LNPEP: variants seen among roughly 807,000 people sequenced by gnomAD.
LNPEP encodes leucyl-cystinyl aminopeptidase.
A neutral mutation model predicts 120.6 loss-of-function variants in LNPEP; 64 were observed. That is an observed-to-expected ratio of 0.53 (90% CI 0.43 to 0.65). The LOEUF (loss-of-function observed/expected upper bound fraction) is 0.65, where lower values mean the gene tolerates loss of function less well. Ranked by LOEUF, LNPEP falls within the 30% of genes least tolerant of loss-of-function variation. The pLI is 0.00. For synonymous variants in LNPEP, 435 were observed against 425.4 expected (o/e 1.02, Z -0.28); for missense variants, 1,057 against 1,200.0 (o/e 0.88, Z 1.76).
Position 97,017,798 on chromosome 5 carries a change from C to G in LNPEP, c.2376+2703C>G, listed in dbSNP as rs147914816. On this transcript the variant is annotated intron_variant, in intron 13 of 17. Transcript: ENST00000231368. The stretch of plus-strand genomic sequence containing the variant: ...TCTTAAAATAACAGAAATTTATTCT[C>G]TCATAGTTCTGGAAGCCAGAAGGCC... 1.3e-3 allele frequency among the ~76,000 whole-genome samples: 200 copies of G among 152,260 alleles called. 1 individual carries two copies. The highest frequency in any genetic ancestry group is 4.7e-3 in the African/African-American group (194 of 41,552).
rs200935086 is a variant in LNPEP at position 97,014,952 on chromosome 5, C to T, written c.2233C>T (p.Pro745Ser). 2 of 1,565,788 alleles carry T rather than the reference C, an allele frequency of 1.3e-6. No individual in the cohort carries two copies. The highest frequency in any genetic ancestry group is 2.4e-5 in the East Asian group (1 of 42,146). The change falls in exon 13 of 18, where the codon CCT becomes TCT. Residue 745 changes from proline to serine, a missense_variant. By Grantham distance (74) the Pro-to-Ser change is moderately conservative. Coordinates refer to ENST00000231368, the MANE Select transcript of LNPEP (RefSeq NM_005575.3). The part of the protein sequence containing the change: ...IFELAGLGKV[P>S]LKRAFDLINY... The stretch of plus-strand genomic sequence containing the variant: ...TTTATCCTTTAGCCTAGGCAAGGTA[C>T]CTCTCAAGAGGGCCTTTGATTTGAT...
chr5:96,951,275 G>C (rs1051369929), intron 1 of LNPEP, among the ~76,000 whole-genome samples: 23 of 151,166 alleles, frequency 1.5e-4, no homozygotes, highest in Non-Finnish European at 5.9e-5. Flanking sequence ...CGGGGGGCGC[G>C]GGGGACAGAG....
intron 1 of LNPEP, among the ~76,000 whole-genome samples, chr5:96,941,633 C>T (rs1466032311): frequency 6.6e-6 from 1 of 151,960 alleles, no homozygotes; most frequent in African/African-American, 2.4e-5. Context: ...TACATATGGC[C>T]GTTATAGAGA....
chr5:96,959,163 G>C (rs533752570), intron 1 of LNPEP, among the ~76,000 whole-genome samples: 1 of 152,054 alleles, frequency 6.6e-6, no homozygotes, highest in Non-Finnish European at 1.5e-5. Flanking sequence ...GTCTGTAACC[G>C]TGTCCCTAGG....
At chr5:96,946,666 G>T (rs1393068891) in intron 1 of LNPEP, among the ~76,000 whole-genome samples, 1 of 152,172 alleles carries the variant, frequency 6.6e-6, no homozygotes, top group Non-Finnish European at 1.5e-5. Context: ...TTTTAAGTTG[G>T]TTAATGATAA....
intron 1 of LNPEP, among the ~76,000 whole-genome samples, chr5:96,952,242 A>G (rs186153068): frequency 7.6e-4 from 116 of 152,356 alleles, no homozygotes; most frequent in Middle Eastern, 3.4e-3. Flanking sequence ...ATAGAATACA[A>G]CTGGATTTTC....
At chr5:96,997,709 CTTGGATACTCAGAG>C (rs1408338812) in intron 7 of LNPEP, among the ~76,000 whole-genome samples, 1 of 152,048 alleles carries the variant, frequency 6.6e-6, no homozygotes, top group African/African-American at 2.4e-5. Context: ...GAATATTCAT[CTTGGATACTCAGAG>C]TTGGCATTTG....
intron 9 of LNPEP, among the ~76,000 whole-genome samples, chr5:97,003,812 T>C (rs1252737404): frequency 6.6e-6 from 1 of 151,984 alleles, no homozygotes; most frequent in African/African-American, 2.4e-5. Flanking sequence ...CCTTAACTTC[T>C]ATTCCTATTT....
intron 1 of LNPEP, among the ~76,000 whole-genome samples, chr5:96,972,725 G>C (rs1486335810): frequency 6.6e-6 from 1 of 152,078 alleles, no homozygotes; most frequent in Admixed American, 6.6e-5. Context: ...TAGTTTAATA[G>C]TTGTTTATGA....
rs371487752 is a variant in LNPEP at position 96,985,222 on chromosome 5, C to T, written c.999+4C>T. The T allele has an allele frequency of 3.6e-5, 58 of 1,598,830 alleles. No homozygotes were observed. The highest frequency in any genetic ancestry group is 4.9e-5 in the Non-Finnish European group (58 of 1,173,436). ...CGCTTTATCAAATATGCCTAAGGTA[C>T]TGTTCTGTTCCTTGAATGTAAAAAT... is the stretch of plus-strand genomic sequence containing the variant. On this transcript the variant is annotated splice_donor_region_variant and intron_variant, in intron 3 of 17. Transcript: ENST00000231368.
Position 97,028,440 on chromosome 5 carries a change from C to T in LNPEP, c.2985C>T (p.Phe995=). The part of the protein sequence containing the change: ...AFFENQSEAT[F]RLRCVQEALE... ...TTGAAAATCAGTCAGAGGCAACCTT[C>T]CGGCTTCGTTGTGTCCAGGAGGCTT... is the stretch of plus-strand genomic sequence containing the variant. The change falls in exon 18 of 18, where the codon TTC becomes TTT. Residue 995 remains phenylalanine (F), a synonymous_variant. Coordinates refer to ENST00000231368, the MANE Select transcript of LNPEP (RefSeq NM_005575.3). 6.2e-7 allele frequency: 1 copy of T among 1,613,892 alleles called. No individual in the cohort carries two copies. Among genetic ancestry groups the T allele is most frequent in the Non-Finnish European group, 8.5e-7 (1 of 1,179,804 alleles).
intron 1 of LNPEP, among the ~76,000 whole-genome samples, chr5:96,959,533 T>A (rs1581985246): frequency 6.6e-6 from 1 of 152,206 alleles, no homozygotes; most frequent in Admixed American, 6.5e-5. Context: ...AATGTAATTA[T>A]GTTTATCTAA....
At chr5:96,975,371 G>A (rs1789966478) in intron 1 of LNPEP, among the ~76,000 whole-genome samples, 1 of 152,188 alleles carries the variant, frequency 6.6e-6, no homozygotes, top group Non-Finnish European at 1.5e-5. Context: ...AAGTTGGAAT[G>A]TAAAGGGAAT....
Position 97,030,003 on chromosome 5 carries a change from A to G in LNPEP, c.*1470A>G, listed in dbSNP as rs1416018608. On this transcript the variant is annotated 3_prime_UTR_variant, in exon 18 of 18. Transcript: ENST00000231368. Reference sequence around the variant, plus strand: ...ATGTACATAAAAAGGGTATTTACCCATTTGTGAGCACTTAAAACACTCCAC... The same window carrying G: ...ATGTACATAAAAAGGGTATTTACCCGTTTGTGAGCACTTAAAACACTCCAC... The G allele has an allele frequency of 6.6e-6, 1 of 152,164 alleles. No individual in the cohort carries two copies. Among genetic ancestry groups the G allele is most frequent in the African/African-American group, 2.4e-5 (1 of 41,466 alleles). 9.4% of individuals were successfully genotyped at this position (152,164 alleles called of 1,614,324 possible). A position where few individuals can be genotyped will look rare whatever the true frequency, so the allele number is the denominator to read the frequency against.
chr5:96,954,573 TTCCTCATTC>T (rs1393760705), intron 1 of LNPEP, among the ~76,000 whole-genome samples: 3 of 148,980 alleles, frequency 2.0e-5, no homozygotes, highest in Non-Finnish European at 4.4e-5. Context: ...GTGTTGCATA[TTCCTCATTC>T]TTCTCATTCT....
rs2112683310 is a variant in LNPEP, at chr5:97,032,996, G to C, written c.*4463G>C. 1 of 152,304 alleles carries C rather than the reference G, an allele frequency of 6.6e-6. No homozygotes were observed. Among genetic ancestry groups the C allele is most frequent in the East Asian group, 1.9e-4 (1 of 5,188 alleles). 9.4% of individuals were successfully genotyped at this position (152,304 alleles called of 1,614,324 possible). ...TATACTTAATGAAAATTGAGGTTCA[G>C]AGTATGACAAATCTCTTTTCCCTTT... On this transcript the variant is annotated 3_prime_UTR_variant, in exon 18 of 18. Coordinates refer to ENST00000231368, the MANE Select transcript of LNPEP (RefSeq NM_005575.3).
At chr5:96,971,042 T>C (rs1789847992) in intron 1 of LNPEP, among the ~76,000 whole-genome samples, 1 of 152,122 alleles carries the variant, frequency 6.6e-6, no homozygotes. Context: ...GTAGTATACA[T>C]CTACTTGAGG....
At chr5:97,024,716 A>T in intron 15 of LNPEP, 34 bp downstream of exon 15, 1 of 1,582,750 alleles carries the variant, frequency 6.3e-7, no homozygotes, top group East Asian at 2.2e-5. Context: ...ATATACAGAA[A>T]CCAAAAGAAT....
Position 96,986,628 on chromosome 5 carries a change from G to A in LNPEP, c.1089G>A (p.Val363=). 6.2e-7 allele frequency: 1 copy of A among 1,613,612 alleles called. No homozygotes were observed. Among genetic ancestry groups the A allele is most frequent in the Non-Finnish European group, 8.5e-7 (1 of 1,179,664 alleles). Residue 363 remains valine (V), a synonymous_variant, in exon 4 of 18, where the codon GTG becomes GTA. Transcript: ENST00000231368. ...GCACTTACTTGGTTGCTTTCATTGT[G>A]GGAGAGATGAAGAACCTGAGTCAGG... ...KMSTYLVAFI[V]GEMKNLSQDV...
Sources: gnomAD v4.1 joint callset for allele counts (sites outside exome capture counted in the v4.1 genomes callset) on GRCh38, gnomAD v4.1.1 for gene constraint, MANE v1.5 for transcripts, NCBI Gene and HGNC (gene_info 2026-07-23, HGNC 2026-07-21) for gene names.